ASIC2: variants seen among roughly 807,000 people sequenced by gnomAD.
ASIC2 encodes the protein acid-sensing ion channel 2.
In ASIC2, 25 loss-of-function variants were observed where a neutral mutation model predicts 57.3. The observed-to-expected ratio is 0.44, with a 90% confidence interval of 0.32 to 0.61. ASIC2 has a LOEUF of 0.61. Among genes scored for constraint, ASIC2 ranks in the 20% least tolerant of loss-of-function variants. ASIC2 has a pLI of 0.06. For synonymous variants in ASIC2, 319 were observed against 307.5 expected (o/e 1.04, Z -0.39); for missense variants, 641 against 738.1 (o/e 0.87, Z 1.52).
intron 1 of ASIC2, among the ~76,000 whole-genome samples, chr17:33,299,718 G>T (rs759925548): frequency 1.3e-5 from 2 of 152,092 alleles, no homozygotes; most frequent in Admixed American, 1.3e-4. Flanking sequence ...AAGGGGCCAT[G>T]ACCACCAAAA....
chr17:33,836,565 C>T (rs1433941659), intron 1 of ASIC2, among the ~76,000 whole-genome samples: 1 of 152,054 alleles, frequency 6.6e-6, no homozygotes, highest in Non-Finnish European at 1.5e-5. Context: ...TGAAGTTAAG[C>T]AGGTTTTGGC....
intron 2 of ASIC2, among the ~76,000 whole-genome samples, chr17:33,093,447 A>G (rs1567742184): frequency 6.6e-6 from 1 of 152,124 alleles, no homozygotes; most frequent in Non-Finnish European, 1.5e-5. Context: ...AGAGAGAGAG[A>G]GAGTGCAGAG....
intron 1 of ASIC2, among the ~76,000 whole-genome samples, chr17:33,207,376 A>T (rs1907103562): frequency 6.6e-6 from 1 of 152,238 alleles, no homozygotes; most frequent in South Asian, 2.1e-4. Context: ...TGATAATAAC[A>T]TCTAAAGTCT....
At chr17:33,766,955 C>T (rs1910952505) in intron 1 of ASIC2, among the ~76,000 whole-genome samples, 1 of 152,200 alleles carries the variant, frequency 6.6e-6, no homozygotes, top group Admixed American at 6.5e-5. Context: ...AAATATGTGG[C>T]AGCCCAGCCG....
At chr17:33,470,130 C>T (rs752308758) in intron 1 of ASIC2, among the ~76,000 whole-genome samples, 3 of 152,128 alleles carry the variant, frequency 2.0e-5, no homozygotes, top group Non-Finnish European at 4.4e-5. Context: ...AAGGGATTCA[C>T]AGACCAGCTG....
At chr17:33,634,251 G>A (rs1359274017) in intron 1 of ASIC2, among the ~76,000 whole-genome samples, 1 of 152,150 alleles carries the variant, frequency 6.6e-6, no homozygotes. Context: ...CCAGATTTCA[G>A]GATAATTGCT....
At chr17:34,155,868 G>GCT in intron 1 of ASIC2, 1 of 1,287,066 alleles carries the variant, frequency 7.8e-7, no homozygotes, top group Non-Finnish European at 1.1e-6. Context: ...GTGAGGCACT[G>GCT]CTCTCTCTCC....
chr17:33,354,270 A>G (rs957600426), intron 1 of ASIC2, among the ~76,000 whole-genome samples: 3 of 152,046 alleles, frequency 2.0e-5, no homozygotes, highest in African/African-American at 7.2e-5. Flanking sequence ...ATCTCTACCA[A>G]TGGTGGTTCA....
chr17:33,840,521 G>C (rs12938750), intron 1 of ASIC2, among the ~76,000 whole-genome samples: 1 of 152,156 alleles, frequency 6.6e-6, no homozygotes, highest in Admixed American at 6.5e-5. Flanking sequence ...AGATGTTCCC[G>C]CTCTCCATGG....
chr17:33,015,357 G>A (rs1223430723), intron 9 of ASIC2, among the ~76,000 whole-genome samples: 1 of 152,178 alleles, frequency 6.6e-6, no homozygotes, highest in Non-Finnish European at 1.5e-5. Flanking sequence ...GGCTGCCCTC[G>A]GGCTATAGGA....
intron 1 of ASIC2, among the ~76,000 whole-genome samples, chr17:33,326,836 C>A (rs1907097364): frequency 6.6e-6 from 1 of 152,202 alleles, no homozygotes; most frequent in Non-Finnish European, 1.5e-5. Context: ...ATTTCTTTTA[C>A]TTTGTTCCTT....
At chr17:33,493,783 G>T (rs1365581701) in intron 1 of ASIC2, among the ~76,000 whole-genome samples, 1 of 152,082 alleles carries the variant, frequency 6.6e-6, no homozygotes, top group Admixed American at 6.6e-5. Context: ...TGGGATCTTA[G>T]CTGGAGAGAC....
intron 1 of ASIC2, among the ~76,000 whole-genome samples, chr17:33,821,161 CTCTT>C (rs1390624897): frequency 6.6e-6 from 1 of 152,186 alleles, no homozygotes; most frequent in East Asian, 1.9e-4. Context: ...AGCCCTGAAT[CTCTT>C]TCTTAGTCAA....
At chr17:34,141,249 G>A (rs1219053288) in intron 1 of ASIC2, among the ~76,000 whole-genome samples, 3 of 152,164 alleles carry the variant, frequency 2.0e-5, no homozygotes, top group Non-Finnish European at 4.4e-5. Context: ...TGACAACTGG[G>A]AATAAGGAGT....
At chr17:33,379,078 G>A (rs1195301294) in intron 1 of ASIC2, among the ~76,000 whole-genome samples, 2 of 152,222 alleles carry the variant, frequency 1.3e-5, no homozygotes, top group African/African-American at 2.4e-5. Flanking sequence ...AGCATTAAAT[G>A]AGATAACATA....
chr17:34,102,863 T>C (rs754294256), intron 1 of ASIC2, among the ~76,000 whole-genome samples: 26 of 152,226 alleles, frequency 1.7e-4, no homozygotes, highest in Non-Finnish European at 1.6e-4. Context: ...TTTAAGAAAT[T>C]ACCAAAGTGG....
chr17:33,449,762 T>C (rs1912176588), intron 1 of ASIC2, among the ~76,000 whole-genome samples: 1 of 149,726 alleles, frequency 6.7e-6, no homozygotes, highest in South Asian at 2.1e-4. Context: ...CAGAATAATT[T>C]TCTTTTTTCT....
chr17:33,862,052 AG>A, intron 1 of ASIC2, among the ~76,000 whole-genome samples: 1 of 152,298 alleles, frequency 6.6e-6, no homozygotes, highest in Admixed American at 6.5e-5. Context: ...CAAACTTCAC[AG>A]GTCACACCTT....
intron 1 of ASIC2, chr17:33,976,386 C>A (rs117790639): frequency 2.6e-5 from 4 of 152,184 alleles, no homozygotes; most frequent in Non-Finnish European, 5.9e-5. Flanking sequence ...CCACAATAAC[C>A]TGCCCAGGCC....
Sources: gnomAD v4.1 joint callset for allele counts (sites outside exome capture counted in the v4.1 genomes callset) on GRCh38, gnomAD v4.1.1 for gene constraint, MANE v1.5 for transcripts, NCBI Gene and HGNC (gene_info 2026-07-23, HGNC 2026-07-21) for gene names.